RHOT1: variants seen among roughly 807,000 people sequenced by gnomAD.
The protein encoded by RHOT1 is ras homolog family member T1, also known as mitochondrial Rho GTPase 1.
A neutral mutation model predicts 95.3 loss-of-function variants in RHOT1; 27 were observed. The observed-to-expected ratio is 0.28, with a 90% CI of 0.21 to 0.39. The LOEUF is 0.39. Ranked by LOEUF, RHOT1 falls within the 10% of genes least tolerant of loss-of-function variation. RHOT1 has a pLI of 1.00. For missense variants in RHOT1, 578 were observed against 786.7 expected, an observed-to-expected ratio of 0.73 and a Z score of 3.17; for synonymous variants, 227 against 263.5, an observed-to-expected ratio of 0.86 and a Z score of 1.34.
Position 32,224,729 on chromosome 17 carries a change from G to GTC in RHOT1, c.1976_1977insTC (p.Ter660HisfsTer26). ...ATGTACAAAGCATTATTGAAACAGC[G>GTC]ATGATATAAAAAGAAATACTGTCCC... On this transcript the variant is annotated frameshift_variant, in exon 20 of 20. Transcript: ENST00000545287. LOFTEE classifies it high-confidence loss of function. The GTC allele has an allele frequency of 6.3e-7, 1 of 1,592,498 alleles. No homozygotes were observed. The highest frequency in any genetic ancestry group is 8.6e-7 in the Non-Finnish European group (1 of 1,162,844).
At chr17:32,212,730 C>T in intron 19 of RHOT1, among the ~76,000 whole-genome samples, 1 of 151,810 alleles carries the variant, frequency 6.6e-6, no homozygotes, top group Non-Finnish European at 1.5e-5. Flanking sequence ...TTAGTTCTGC[C>T]CTTTAGAACA....
chr17:32,143,072 CCTT>C (rs1567641729), intron 1 of RHOT1: 2 of 636,748 alleles, frequency 3.1e-6, no homozygotes, highest in Admixed American at 4.2e-5. Flanking sequence ...CGAACCCTGT[CCTT>C]CTGGGCCTCA....
rs566566248 is a variant in RHOT1, at chr17:32,145,308, T to A, written c.37+2579T>A. Among the ~76,000 whole-genome samples the A allele has an allele frequency of 2.5e-3, 382 of 152,218 alleles. 6 individuals are homozygous for A. Among genetic ancestry groups the A allele is most frequent in the African/African-American group, 8.7e-3 (361 of 41,538 alleles). On this transcript the variant is annotated intron_variant, in intron 1 of 19. Coordinates refer to ENST00000545287, the MANE Select transcript of RHOT1 (RefSeq NM_001033566.3). ...GAGTGAGACTCTGTCTCAAAAAATA[T>A]ATATATATATTGATAATAGTAAACA... is the stretch of plus-strand genomic sequence containing the variant.
At chr17:32,181,028 G>C (rs1039113351) in intron 6 of RHOT1, among the ~76,000 whole-genome samples, 4 of 152,134 alleles carry the variant, frequency 2.6e-5, no homozygotes, top group Admixed American at 6.6e-5. Flanking sequence ...TCCTGGTTCT[G>C]GTAGGAATTT....
intron 6 of RHOT1, chr17:32,178,823 A>T (rs1213409438): frequency 1.6e-5 from 2 of 128,340 alleles, no homozygotes; most frequent in African/African-American, 6.5e-5. Context: ...AGTGAGGAGC[A>T]TCTCTGCCTG....
intron 1 of RHOT1, among the ~76,000 whole-genome samples, chr17:32,143,790 T>C (rs1223963302): frequency 6.6e-6 from 1 of 152,262 alleles, no homozygotes. Context: ...TAGTCTGCCA[T>C]TGCTGTTTCG....
intron 8 of RHOT1, among the ~76,000 whole-genome samples, chr17:32,185,444 A>G (rs954175334): frequency 1.3e-5 from 2 of 151,202 alleles, no homozygotes; most frequent in African/African-American, 4.9e-5. Flanking sequence ...GCCTTACTCT[A>G]TCGCCCAGGC....
chr17:32,151,079 G>T, intron 1 of RHOT1: 1 of 1,141,804 alleles, frequency 8.8e-7, no homozygotes, highest in Non-Finnish European at 1.3e-6. Context: ...GGCTTCTCCT[G>T]AGTGAAAACA....
At chr17:32,174,629 TCATGTATGA>T (rs1025078604) in intron 3 of RHOT1, among the ~76,000 whole-genome samples, 5 of 152,224 alleles carry the variant, frequency 3.3e-5, no homozygotes, top group Non-Finnish European at 7.3e-5. Context: ...ACCATTGAAT[TCATGTATGA>T]TATTAGTTTA....
Position 32,193,957 on chromosome 17 carries a change from C to T in RHOT1, c.749-30C>T, listed in dbSNP as rs779510697. The stretch of plus-strand genomic sequence containing the variant: ...TGCTTTTCTCCTATGTGACTCTGTA[C>T]ACTTTATTTACTAATTTACTTTATT... On this transcript the variant is annotated intron_variant, in intron 10 of 19. Coordinates refer to ENST00000545287, the MANE Select transcript of RHOT1 (RefSeq NM_001033566.3). 3.7e-6 allele frequency: 6 copies of T among 1,608,614 alleles called. No individual in the cohort carries two copies. The Admixed American group carries it at 1.0e-4, about 27-fold the overall frequency.
At chr17:32,221,165 C>G in intron 19 of RHOT1, 2 of 343,780 alleles carry the variant, frequency 5.8e-6, no homozygotes, top group Non-Finnish European at 4.1e-6. Context: ...ATCAGGAGAT[C>G]GAGACCATCG....
chr17:32,191,908 T>C (rs1232373694), intron 8 of RHOT1, among the ~76,000 whole-genome samples: 1 of 152,218 alleles, frequency 6.6e-6, no homozygotes, highest in Non-Finnish European at 1.5e-5. Flanking sequence ...AATAAACAGT[T>C]CTTCTTTCTG....
intron 11 of RHOT1, among the ~76,000 whole-genome samples, chr17:32,197,746 T>C (rs1314640042): frequency 6.6e-6 from 1 of 152,170 alleles, no homozygotes; most frequent in Non-Finnish European, 1.5e-5. Context: ...CTAATTTTCA[T>C]ATTTTTAGTA....
At chr17:32,156,015 G>C (rs1293926258) in intron 1 of RHOT1, among the ~76,000 whole-genome samples, 1 of 152,172 alleles carries the variant, frequency 6.6e-6, no homozygotes, top group Non-Finnish European at 1.5e-5. Flanking sequence ...GAAGGTTTGG[G>C]ATTGCTGGAA....
chr17:32,149,603 A>ATG, intron 1 of RHOT1, among the ~76,000 whole-genome samples: 1 of 77,252 alleles, frequency 1.3e-5, no homozygotes, highest in Non-Finnish European at 2.3e-5. Context: ...ATATATATAT[A>ATG]TATATATATA....
chr17:32,182,940 C>A, intron 7 of RHOT1, 75 bp downstream of exon 7: 1 of 952,074 alleles, frequency 1.1e-6, no homozygotes, highest in Non-Finnish European at 1.6e-6. Flanking sequence ...ATAGGGGGGA[C>A]AATGTGGGAT....
chr17:32,189,123 C>T (rs2036272221), intron 8 of RHOT1, among the ~76,000 whole-genome samples: 1 of 152,030 alleles, frequency 6.6e-6, no homozygotes, highest in African/African-American at 2.4e-5. Flanking sequence ...ATGGTGAAAC[C>T]CCGTCTCTAC....
Position 32,150,907 on chromosome 17 carries a change from G to A in RHOT1, c.37+8178G>A. The A allele has an allele frequency of 2.6e-6, 4 of 1,548,834 alleles. 1 individual carries two copies. The highest frequency in any genetic ancestry group is 2.3e-5 in the East Asian group (1 of 44,426). On this transcript the variant is annotated intron_variant, in intron 1 of 19. Coordinates refer to ENST00000545287, the MANE Select transcript of RHOT1 (RefSeq NM_001033566.3). ...AGCACTGGGGGATGTTCTGGGGGAG[G>A]TGGGCACATTCTTCTTGGATGGAAG... is the stretch of plus-strand genomic sequence containing the variant.
At chr17:32,185,583 T>C (rs867423887) in intron 8 of RHOT1, among the ~76,000 whole-genome samples, 32 of 152,090 alleles carry the variant, frequency 2.1e-4, no homozygotes, top group African/African-American at 7.5e-4. Context: ...ATTTTTGTAT[T>C]TTTAGTAGAA....
Sources: allele counts gnomAD v4.1 joint callset (sites outside exome capture counted in the v4.1 genomes callset), GRCh38; gene constraint gnomAD v4.1.1; transcripts MANE v1.5; gene names NCBI Gene and HGNC (gene_info 2026-07-23, HGNC 2026-07-21).